Variants in SETD2 observed in about 807,000 individuals in gnomAD.
SETD2 encodes histone-lysine N-methyltransferase SETD2.
SETD2 carries 31 observed loss-of-function variants against 242.1 expected under a neutral mutation model. That is an observed-to-expected ratio of 0.13 (90% confidence interval 0.10 to 0.17). SETD2 has a LOEUF of 0.17. SETD2 is among the 10% of genes least tolerant of loss of function. The pLI, the probability that SETD2 is intolerant of heterozygous loss-of-function variation, is 1.00. For missense variants in SETD2, 2,481 were observed against 3,046.3 expected (o/e 0.81, Z 4.37); for synonymous variants, 1,006 against 1,066.5 (o/e 0.94, Z 1.11).
intron 13 of SETD2, among the ~76,000 whole-genome samples, chr3:47,065,201 GAAGAGTTATTTGCAGCCCT>G (rs2040509291): frequency 6.6e-6 from 1 of 152,094 alleles, no homozygotes. Flanking sequence ...TTTTTTATAG[GAAGAGTTATTTGCAGCCCT>G]AAGTAGAATG....
chr3:47,073,977 T>C (rs1367128779), intron 12 of SETD2, among the ~76,000 whole-genome samples: 2 of 152,188 alleles, frequency 1.3e-5, no homozygotes, highest in Non-Finnish European at 2.9e-5. Context: ...CAACACTAAT[T>C]TTTAGTAACT....
rs1484346474 is a variant in SETD2 at position 47,056,701 on chromosome 3, T to C, written c.6963+120A>G. On this transcript the variant is annotated intron_variant, in intron 15 of 20. Transcript: ENST00000409792. ...TTTCACACAATAGATAACCAATACA[T>C]ATAAAGTTGATCAATATATACAAGT... 1.1e-5 allele frequency: 8 copies of C among 743,068 alleles called. No homozygotes were observed. In the East Asian group the frequency reaches 1.8e-4, roughly 17 times the overall value. 46.0% of individuals were successfully genotyped at this position (743,068 alleles called of 1,614,324 possible).
chr3:47,122,546 G>A lies in SETD2; in HGVS notation c.2090C>T (p.Thr697Ile), dbSNP rs2043142514. The A allele has an allele frequency of 6.2e-7, 1 of 1,613,980 alleles. No homozygotes were observed. The highest frequency in any genetic ancestry group is 8.5e-7 in the Non-Finnish European group (1 of 1,179,980). The change falls in exon 3 of 21, where the codon ACT (threonine) becomes ATT (isoleucine). Residue 697 changes from threonine to isoleucine, a missense_variant. Around this residue, in one of 17 missense-constraint regions of SETD2, gnomAD observed 1,300 missense variants for 1,259.2 expected, o/e 1.03. Transcript: ENST00000409792. ...CGATCCAGTCACACTATCATCAGAA[G>A]TCATTAAAACAGCATCAGTTTTAGA... is the stretch of plus-strand genomic sequence containing the variant. ...CTSKTDAVLM[T>I]SDDSVTGSEL... is the part of the protein sequence containing the mutation.
intron 9 of SETD2, among the ~76,000 whole-genome samples, chr3:47,089,978 T>C (rs2041726003): frequency 6.6e-6 from 1 of 152,142 alleles, no homozygotes; most frequent in Non-Finnish European, 1.5e-5. Flanking sequence ...CCAGATGCAG[T>C]GGCTCATGTC....
At chr3:47,069,141 A>T (rs963402864) in intron 12 of SETD2, among the ~76,000 whole-genome samples, 2 of 152,186 alleles carry the variant, frequency 1.3e-5, no homozygotes, top group African/African-American at 2.4e-5. Context: ...CTATGAGGTA[A>T]GTACTATTAC....
At position 47,123,115 on chromosome 3, in the gene SETD2, T is replaced by A. The variant is rs2106695747; in HGVS notation, c.1521A>T (p.Arg507Ser). 1 of 1,613,526 alleles carries A rather than the reference T, an allele frequency of 6.2e-7. No homozygotes were observed. Among genetic ancestry groups the A allele is most frequent in the Non-Finnish European group, 8.5e-7 (1 of 1,179,512 alleles). ...TETSYLEMER[R>S]GKYSSKLERE... ...TTTCTAGTTTTGAAGAATACTTGCC[T>A]CTTCTTTCCATCTCTAAGTAAGAGG... Residue 507 changes from arginine to serine, a missense_variant, in exon 3 of 21, where the codon AGA becomes AGT. Transcript: ENST00000409792.
chr3:47,137,147 A>G (rs2043606448), intron 1 of SETD2, among the ~76,000 whole-genome samples: 1 of 152,072 alleles, frequency 6.6e-6, no homozygotes, highest in African/African-American at 2.4e-5. Flanking sequence ...ATCATTCTAT[A>G]TTATAGTACC....
Position 47,122,689 on chromosome 3 carries a change from A to G in SETD2, c.1947T>C (p.Ile649=), listed in dbSNP as rs2043149531. The change falls in exon 3 of 21, where the codon ATT becomes ATC. Residue 649 remains isoleucine, a synonymous_variant. Transcript: ENST00000409792. ...EFITHDSHDS[I]KELDSLSKVK... is the part of the protein sequence containing the mutation. ...CTTTAGATAAAGAGTCTAATTCCTT[A>G]ATACTATCATGGCTATCATGTGTTA... 1 of 1,613,310 alleles carries G rather than the reference A, an allele frequency of 6.2e-7. No homozygotes were observed. Among genetic ancestry groups the G allele is most frequent in the South Asian group, 1.1e-5 (1 of 91,038 alleles).
chr3:47,069,879 T>C (rs1380525846), intron 12 of SETD2, among the ~76,000 whole-genome samples: 1 of 152,206 alleles, frequency 6.6e-6, no homozygotes, highest in East Asian at 1.9e-4. Context: ...ACGCCATTTA[T>C]TACCATCTAC....
intron 5 of SETD2, among the ~76,000 whole-genome samples, chr3:47,106,500 A>T (rs1230446688): frequency 8.0e-4 from 27 of 33,912 alleles, no homozygotes; most frequent in South Asian, 5.2e-3. Flanking sequence ...CTCTAAAAAA[A>T]AAAAAAAAAA....
chr3:47,036,591 T>TA, intron 18 of SETD2, among the ~76,000 whole-genome samples: 1 of 151,742 alleles, frequency 6.6e-6, no homozygotes, highest in South Asian at 2.1e-4. Context: ...AAGCATATGT[T>TA]ATGGGCACTA....
intron 18 of SETD2, among the ~76,000 whole-genome samples, chr3:47,028,358 T>G (rs2038600788): frequency 6.6e-6 from 1 of 152,164 alleles, no homozygotes; most frequent in Non-Finnish European, 1.5e-5. Flanking sequence ...AACTATAAGC[T>G]AACAATTCTC....
At chr3:47,050,696 TACTC>T (rs1000985542) in intron 15 of SETD2, among the ~76,000 whole-genome samples, 15 of 146,662 alleles carry the variant, frequency 1.0e-4, no homozygotes, top group African/African-American at 3.2e-4. Context: ...AGATAAGGGA[TACTC>T]AACCTGTATA....
At position 47,121,658 on chromosome 3, in the gene SETD2, G is replaced by A. The variant is rs1054527589; in HGVS notation, c.2978C>T (p.Ser993Phe). Residue 993 changes from serine (S) to phenylalanine (F), a missense_variant, in exon 3 of 21, where the codon TCT becomes TTT. Physicochemically the swap from Ser to Phe is radical, Grantham distance 155 (BLOSUM62 -2). Transcript: ENST00000409792. ...ERGEGGHVHT[S>F]DDSEVVFSSC... ...AGAAAATACAACTTCTGAGTCATCA[G>A]AAGTATGCACATGTCCTCCTTCTCC... 5 of 1,614,098 alleles carry A rather than the reference G, an allele frequency of 3.1e-6. No homozygotes were observed. Among genetic ancestry groups the A allele is most frequent in the Middle Eastern group, 1.7e-4 (1 of 6,060 alleles).
chr3:47,106,645 C>T (rs1222044962), intron 5 of SETD2, among the ~76,000 whole-genome samples: 1 of 151,090 alleles, frequency 6.6e-6, no homozygotes, highest in African/African-American at 2.4e-5. Flanking sequence ...AACCCCATCT[C>T]TACTAAAAAT....
chr3:47,162,623 G>A (rs1384088802), intron 1 of SETD2, among the ~76,000 whole-genome samples: 1 of 152,158 alleles, frequency 6.6e-6, no homozygotes, highest in Admixed American at 6.5e-5. Context: ...GAGAAGATGT[G>A]GCAAGGGATT....
chr3:47,098,312 GA>G (rs2042082749), intron 8 of SETD2: 5 of 320,662 alleles, frequency 1.6e-5, no homozygotes, highest in Non-Finnish European at 2.9e-5. Context: ...AACTAGCCAA[GA>G]AATAAACAAT....
In SETD2 at chr3:47,116,614, TTTAC is replaced by T; in HGVS notation, c.4586+5_4586+8del. 1 of 1,604,002 alleles carries T rather than the reference TTTAC, an allele frequency of 6.2e-7. No homozygotes were observed. ...GTTGAGCAAAAGCCGAGTATTCTAATTTACTTACCATTCAATCATGAGAAGACGA... is the reference window on the plus strand; with the variant it reads ...GTTGAGCAAAAGCCGAGTATTCTAATTTACCATTCAATCATGAGAAGACGA... On this transcript the variant is annotated splice_donor_5th_base_variant and intron_variant, in intron 4 of 20. Transcript: ENST00000409792.
At chr3:47,084,724 C>G (rs1445051093) in intron 11 of SETD2, among the ~76,000 whole-genome samples, 1 of 151,400 alleles carries the variant, frequency 6.6e-6, no homozygotes, top group African/African-American at 2.4e-5. Flanking sequence ...CCACACCTGG[C>G]TACAGTTGAT....
Sources: gnomAD v4.1 joint callset for allele counts (sites outside exome capture counted in the v4.1 genomes callset) on GRCh38, gnomAD v4.1.1 for gene constraint, gnomAD v4.1.1 regional missense constraint, MANE v1.5 for transcripts, NCBI Gene and HGNC (gene_info 2026-07-23, HGNC 2026-07-21) for gene names.